The following EYS variants were observed in gnomAD, a reference collection of about 807,000 sequenced individuals.
EYS encodes protein eyes shut homolog.
EYS carries 250 observed loss-of-function variants against 282.1 expected under a neutral mutation model. The observed-to-expected ratio is 0.89, with a 90% CI of 0.80 to 0.98. EYS has a LOEUF of 0.98. Ranked by LOEUF, EYS falls within the 50% of genes least tolerant of loss-of-function variation. The pLI is 0.00. For missense variants in EYS, 4,016 were observed against 3,709.0 expected (o/e 1.08, Z -2.15); for synonymous variants, 1,355 against 1,282.9 (o/e 1.06, Z -1.20).
At chr6:64,410,048 T>G (rs2150442843) in intron 28 of EYS, among the ~76,000 whole-genome samples, 1 of 152,214 alleles carries the variant, frequency 6.6e-6, no homozygotes, top group Admixed American at 6.6e-5. Flanking sequence ...TTGGGGCATT[T>G]ATAATTGTAA....
At chr6:63,847,485 A>C (rs946911375) in intron 36 of EYS, among the ~76,000 whole-genome samples, 2 of 151,958 alleles carry the variant, frequency 1.3e-5, no homozygotes, top group African/African-American at 4.8e-5. Flanking sequence ...TTTTTGTCTT[A>C]GAAATGCATA....
intron 34 of EYS, among the ~76,000 whole-genome samples, chr6:63,990,924 G>A (rs1433419122): frequency 1.3e-5 from 2 of 151,614 alleles, no homozygotes; most frequent in Non-Finnish European, 3.0e-5. Flanking sequence ...TGAAAGAGTG[G>A]ATCATGCACC....
intron 12 of EYS, 68 bp from the exon 13 acceptor site, chr6:65,057,795 A>T: frequency 1.9e-6 from 2 of 1,067,972 alleles, no homozygotes; most frequent in Non-Finnish European, 2.8e-6. Context: ...CGTAATTCTT[A>T]AATTTGCACA....
chr6:65,598,247 CCAA>C (rs1443681991), intron 2 of EYS, among the ~76,000 whole-genome samples: 7 of 83,914 alleles, frequency 8.3e-5, no homozygotes, highest in South Asian at 1.4e-3. Context: ...CACCCCCCCC[CCAA>C]AAAAAAAAAC....
chr6:64,544,647 G>T (rs948782372), intron 26 of EYS, among the ~76,000 whole-genome samples: 1 of 152,074 alleles, frequency 6.6e-6, no homozygotes, highest in Non-Finnish European at 1.5e-5. Flanking sequence ...GAAGAAAAGA[G>T]AGAAGAATCA....
intron 40 of EYS, among the ~76,000 whole-genome samples, chr6:63,774,671 G>A (rs1478346853): frequency 6.6e-6 from 1 of 151,906 alleles, no homozygotes; most frequent in Non-Finnish European, 1.5e-5. Flanking sequence ...ATTCCACAAT[G>A]TATATATATT....
chr6:63,731,481 G>A (rs1458452165), intron 41 of EYS, among the ~76,000 whole-genome samples: 1 of 151,782 alleles, frequency 6.6e-6, no homozygotes, highest in Non-Finnish European at 1.5e-5. Flanking sequence ...TTTACTTATG[G>A]TATGCTATTC....
At chr6:64,677,301 CTT>C (rs1162014283) in intron 22 of EYS, among the ~76,000 whole-genome samples, 2 of 152,086 alleles carry the variant, frequency 1.3e-5, no homozygotes, top group Admixed American at 1.3e-4. Context: ...CTCTCTCTCT[CTT>C]AATTTAAAGG....
At chr6:64,557,225 C>T (rs374841283) in intron 26 of EYS, among the ~76,000 whole-genome samples, 4 of 27,538 alleles carry the variant, frequency 1.5e-4, no homozygotes, top group African/African-American at 7.2e-4. Context: ...CATACACACA[C>T]ACACACACAC....
intron 22 of EYS, among the ~76,000 whole-genome samples, chr6:64,668,543 CTTTTTTTTTT>C (rs35765768): frequency 1.3e-5 from 1 of 76,156 alleles, no homozygotes; most frequent in Non-Finnish European, 2.4e-5. Flanking sequence ...TACCACAATT[CTTTTTTTTTT>C]TTTTTTTTTT....
intron 35 of EYS, among the ~76,000 whole-genome samples, chr6:63,898,705 A>T (rs980361223): frequency 2.6e-5 from 4 of 152,140 alleles, no homozygotes; most frequent in African/African-American, 9.7e-5. Context: ...TAATATGGTG[A>T]TTTTATTTTA....
At chr6:64,302,288 C>A (rs1769263014) in intron 30 of EYS, among the ~76,000 whole-genome samples, 1 of 152,124 alleles carries the variant, frequency 6.6e-6, no homozygotes. Context: ...TCCTGCAATG[C>A]CCAGATTGCC....
intron 5 of EYS, among the ~76,000 whole-genome samples, chr6:65,427,474 T>C (rs911260068): frequency 2.6e-4 from 40 of 152,080 alleles, no homozygotes; most frequent in Admixed American, 9.8e-4. Flanking sequence ...AAAATATTTC[T>C]CTTTAAATTG....
At chr6:65,508,370 T>C (rs1318010323) in intron 2 of EYS, among the ~76,000 whole-genome samples, 1 of 152,050 alleles carries the variant, frequency 6.6e-6, no homozygotes, top group African/African-American at 2.4e-5. Flanking sequence ...CTCTAGCCTG[T>C]AGCCTTAAGA....
intron 31 of EYS, among the ~76,000 whole-genome samples, chr6:64,144,065 G>A (rs112686112): frequency 0.036 from 5,554 of 152,188 alleles, 310 homozygotes; most frequent in African/African-American, 0.13. Context: ...TGAGGGAAAG[G>A]AATTCCCAGG....
chr6:65,494,530 C>T (rs957838228), intron 4 of EYS, 133 bp downstream of exon 4: 2 of 763,482 alleles, frequency 2.6e-6, no homozygotes, highest in Non-Finnish European at 4.2e-6. Flanking sequence ...ATCCACCCAC[C>T]TCGGCCTCCC....
Position 64,157,251 on chromosome 6 carries a change from C to T in EYS, c.6424+73341G>A, listed in dbSNP as rs113859088. ...TCATTTCTTATGGCTGCATAGTATT[C>T]CATGGTGTATATGTTCCACATTTTC... On this transcript the variant is annotated intron_variant, in intron 31 of 42. Coordinates refer to ENST00000503581, the MANE Select transcript of EYS (RefSeq NM_001142800.2). 6.0e-3 allele frequency among the ~76,000 whole-genome samples: 920 copies of T among 152,150 alleles called. 15 individuals carry two copies. Among genetic ancestry groups the T allele is most frequent in the Middle Eastern group, 0.034 (10 of 294 alleles).
chr6:65,083,893 AT>A (rs1253663096), intron 12 of EYS, among the ~76,000 whole-genome samples: 1 of 151,788 alleles, frequency 6.6e-6, no homozygotes, highest in Non-Finnish European at 1.5e-5. Flanking sequence ...AAATTTTTAT[AT>A]TACTCTAAGC....
intron 18 of EYS, 66 bp from the exon 19 acceptor site, chr6:64,886,908 C>G: frequency 2.2e-6 from 2 of 903,094 alleles, no homozygotes; most frequent in Non-Finnish European, 3.2e-6. Context: ...ATATATGATT[C>G]ATATTTATAT....
Sources: allele counts gnomAD v4.1 joint callset (sites outside exome capture counted in the v4.1 genomes callset), GRCh38; gene constraint gnomAD v4.1.1; transcripts MANE v1.5; gene names NCBI Gene and HGNC (gene_info 2026-07-23, HGNC 2026-07-21).